CMSS1: variants seen among roughly 807,000 people sequenced by gnomAD.
CMSS1 encodes protein CMSS1.
In CMSS1, 33 loss-of-function variants were observed where a neutral mutation model predicts 43.5. That is an observed-to-expected ratio of 0.76 (90% confidence interval 0.57 to 1.01). The LOEUF is 1.01. CMSS1 is among the 50% of genes least tolerant of loss of function. The pLI is 0.00. For synonymous variants in CMSS1, 115 were observed against 117.2 expected (o/e 0.98, Z 0.12); for missense variants, 313 against 326.4 (o/e 0.96, Z 0.32).
At chr3:100,113,104 CTT>C (rs1237505125) in intron 1 of CMSS1, among the ~76,000 whole-genome samples, 1 of 152,164 alleles carries the variant, frequency 6.6e-6, no homozygotes, top group African/African-American at 2.4e-5. Context: ...TCTTCTATTC[CTT>C]CCTGAGATGT....
intron 1 of CMSS1, among the ~76,000 whole-genome samples, chr3:100,139,581 G>GTA (rs1163971358): frequency 5.7e-5 from 8 of 140,658 alleles, no homozygotes; most frequent in Non-Finnish European, 1.1e-4. Flanking sequence ...ATATATATGT[G>GTA]TATATATATG....
chr3:99,920,027 A>G (rs1707075339), intron 1 of CMSS1, among the ~76,000 whole-genome samples: 1 of 152,218 alleles, frequency 6.6e-6, no homozygotes, highest in Non-Finnish European at 1.5e-5. Context: ...TCTGATTTAC[A>G]AAACTGAACT....
Position 99,856,596 on chromosome 3 carries a change from T to A in CMSS1, c.64+38553T>A, listed in dbSNP as rs1943979145. 1.3e-5 allele frequency among the ~76,000 whole-genome samples: 2 copies of A among 152,240 alleles called. 1 individual carries two copies. The highest frequency in any genetic ancestry group is 4.1e-4 in the South Asian group (2 of 4,828). Reference sequence around the variant, plus strand: ...TACAGCTTTCCGTTAGAGTTTCTACTATGGCTCAGAATTGTTATAACTTAC... The same window carrying A: ...TACAGCTTTCCGTTAGAGTTTCTACAATGGCTCAGAATTGTTATAACTTAC... On this transcript the variant is annotated intron_variant, in intron 1 of 9. Transcript: ENST00000421999.
At chr3:100,100,420 A>G (rs138214366) in intron 1 of CMSS1, among the ~76,000 whole-genome samples, 1 of 152,338 alleles carries the variant, frequency 6.6e-6, no homozygotes, top group African/African-American at 2.4e-5. Flanking sequence ...AGTAATTACT[A>G]TCATCTGGAT....
rs1399586931 is a variant in CMSS1, at chr3:100,179,832, T to A, written c.*1444T>A. On this transcript the variant is annotated 3_prime_UTR_variant, in exon 10 of 10. Transcript: ENST00000421999. ...GGTCTCCAACCCCACATTTCCCCTC[T>A]GCACTGCCCTAGTAGAGGCTCTCCA... 1 of 152,276 alleles carries A rather than the reference T, an allele frequency of 6.6e-6. No individual in the cohort carries two copies. Among genetic ancestry groups the A allele is most frequent in the Non-Finnish European group, 1.5e-5 (1 of 68,084 alleles). 9.4% of individuals were successfully genotyped at this position (152,276 alleles called of 1,614,324 possible). A position where few individuals can be genotyped will look rare whatever the true frequency, so the allele number is the denominator to read the frequency against.
In CMSS1 at chr3:100,178,641, G is replaced by A. The variant is rs1326776190; in HGVS notation, c.*253G>A. On this transcript the variant is annotated 3_prime_UTR_variant, in exon 10 of 10. Transcript: ENST00000421999. Reference sequence around the variant, plus strand: ...GGACCGTGTTTTTCTGTCACCAACTGGCTTCTGATGTAACTGTGCAGGAGA... The same window carrying A: ...GGACCGTGTTTTTCTGTCACCAACTAGCTTCTGATGTAACTGTGCAGGAGA... 2.8e-6 allele frequency: 1 copy of A among 360,298 alleles called. No individual in the cohort carries two copies. The highest frequency in any genetic ancestry group is 5.1e-6 in the Non-Finnish European group (1 of 196,018). The allele number at this position is 360,298 out of a possible 1,614,324, so 22.3% of individuals were successfully genotyped here. A position where few individuals can be genotyped will look rare whatever the true frequency, so the allele number is the denominator to read the frequency against.
chr3:99,991,545 A>G (rs1261436053), intron 1 of CMSS1, among the ~76,000 whole-genome samples: 3 of 152,040 alleles, frequency 2.0e-5, no homozygotes, highest in Admixed American at 1.3e-4. Context: ...TAGTGTACCC[A>G]TCACCCAAAT....
At chr3:100,044,171 T>C (rs2065245767) in intron 1 of CMSS1, among the ~76,000 whole-genome samples, 1 of 152,208 alleles carries the variant, frequency 6.6e-6, no homozygotes, top group African/African-American at 2.4e-5. Flanking sequence ...TTGAGCCAGT[T>C]ACTTGCCTCG....
chr3:100,080,331 A>C (rs2065912687), intron 1 of CMSS1, among the ~76,000 whole-genome samples: 1 of 152,046 alleles, frequency 6.6e-6, no homozygotes, highest in Admixed American at 6.6e-5. Context: ...GGGAAAAAAA[A>C]ATTTAATAAC....
intron 1 of CMSS1, among the ~76,000 whole-genome samples, chr3:99,973,289 T>C (rs1002714030): frequency 6.6e-6 from 1 of 152,202 alleles, no homozygotes; most frequent in Non-Finnish European, 1.5e-5. Context: ...TAAATATTCA[T>C]TTGAGAATAC....
At chr3:99,850,264 T>C (rs1449263184) in intron 1 of CMSS1, 1 of 1,613,914 alleles carries the variant, frequency 6.2e-7, no homozygotes, top group Non-Finnish European at 8.5e-7. Context: ...GGCTTCTAGC[T>C]CTTTGATCCT....
At chr3:100,147,326 A>G (rs2066862469) in intron 2 of CMSS1, among the ~76,000 whole-genome samples, 1 of 134,718 alleles carries the variant, frequency 7.4e-6, no homozygotes, top group African/African-American at 2.9e-5. Context: ...GCTGTAGTAC[A>G]GTGGCACAAT....
At chr3:100,155,841 A>G (rs2066967459) in intron 2 of CMSS1, among the ~76,000 whole-genome samples, 2 of 152,166 alleles carry the variant, frequency 1.3e-5, no homozygotes. Context: ...TCTAGCATCC[A>G]TTATTGCTTT....
intron 1 of CMSS1, among the ~76,000 whole-genome samples, chr3:99,829,595 C>A (rs942995029): frequency 5.9e-5 from 9 of 152,170 alleles, no homozygotes; most frequent in African/African-American, 2.2e-4. Flanking sequence ...GAATGAAAAT[C>A]TAGGATTGGA....
At chr3:100,086,879 C>T (rs911299085) in intron 1 of CMSS1, among the ~76,000 whole-genome samples, 24 of 152,298 alleles carry the variant, frequency 1.6e-4, no homozygotes, top group Non-Finnish European at 2.5e-4. Context: ...TCTCTATTCT[C>T]AACCCCTAGT....
At chr3:100,167,708 C>T in intron 5 of CMSS1, 30 bp from the exon 6 acceptor site, 1 of 1,501,904 alleles carries the variant, frequency 6.7e-7, no homozygotes, top group Non-Finnish European at 9.2e-7. Context: ...TGCCATATTT[C>T]AAATAATTGT....
intron 1 of CMSS1, among the ~76,000 whole-genome samples, chr3:100,009,441 A>G (rs969140143): frequency 2.6e-5 from 4 of 152,162 alleles, no homozygotes; most frequent in Non-Finnish European, 5.9e-5. Context: ...TTAATGGACC[A>G]TGAAGACTAG....
rs1024272404 is a variant in CMSS1 at position 100,174,522 on chromosome 3, G to A, written c.668-1805G>A. 9.2e-5 allele frequency among the ~76,000 whole-genome samples: 14 copies of A among 152,088 alleles called. No homozygotes were observed. The South Asian group carries it at 1.2e-3, about 14-fold the overall frequency. ...CATATGGAAAAATCATTTAAAGGGC[G>A]ATTTTTAAAAAAATATTAATGAAAA... On this transcript the variant is annotated intron_variant, in intron 8 of 9. Coordinates refer to ENST00000421999, the MANE Select transcript of CMSS1 (RefSeq NM_032359.4).
intron 1 of CMSS1, among the ~76,000 whole-genome samples, chr3:100,134,821 G>T (rs2066737654): frequency 1.3e-5 from 2 of 152,264 alleles, no homozygotes; most frequent in African/African-American, 4.8e-5. Context: ...AAAGCCCAAT[G>T]GATTCTAATA....
Sources: allele counts gnomAD v4.1 joint callset (sites outside exome capture counted in the v4.1 genomes callset), GRCh38; gene constraint gnomAD v4.1.1; transcripts MANE v1.5; gene names NCBI Gene and HGNC (gene_info 2026-07-23, HGNC 2026-07-21).